LTBP2: variants seen among roughly 807,000 people sequenced by gnomAD.
LTBP2 encodes the protein latent-transforming growth factor beta-binding protein 2.
Under a neutral mutation model 210.6 loss-of-function variants are expected in LTBP2, and 103 were observed. The ratio of observed to expected loss-of-function variants is 0.49; its 90% CI spans 0.42 to 0.58. The LOEUF (loss-of-function observed/expected upper bound fraction) is 0.58. LTBP2 is among the 20% of genes least tolerant of loss of function. LTBP2 has a pLI of 0.00. For synonymous variants in LTBP2, 1,007 were observed against 1,015.0 expected (o/e 0.99, Z 0.15); for missense variants, 2,313 against 2,494.5 (o/e 0.93, Z 1.55).
In LTBP2 at chr14:74,611,974, C is replaced by A; in HGVS notation, c.-30G>T. ...CGGGGCGGCTGGAGAGTGGTGCGCG[C>A]GGGCACCGCGAAGAGCTTTGTGGTC... On this transcript the variant is annotated 5_prime_UTR_variant, in exon 1 of 36. Transcript: ENST00000261978. 3 of 1,530,824 alleles carry A rather than the reference C, an allele frequency of 2.0e-6. No homozygotes were observed. Among genetic ancestry groups the A allele is most frequent in the Non-Finnish European group, 2.6e-6 (3 of 1,147,432 alleles). The allele number at this position is 1,530,824 out of a possible 1,614,324, so 94.8% of individuals were successfully genotyped here.
chr14:74,599,719 C>T lies in LTBP2; in HGVS notation c.565+3916G>A, dbSNP rs1210219673. 3.9e-5 allele frequency among the ~76,000 whole-genome samples: 6 copies of T among 152,188 alleles called. No individual in the cohort carries two copies. In the East Asian group the frequency reaches 5.8e-4, roughly 15 times the overall value. The stretch of plus-strand genomic sequence containing the variant: ...AGCAATGGGCACCTGCAGAACAGGG[C>T]GGAAGGAGGGCAGGCCCGGGAGATG... On this transcript the variant is annotated intron_variant, in intron 2 of 35. Transcript: ENST00000261978.
intron 3 of LTBP2, among the ~76,000 whole-genome samples, chr14:74,564,526 C>A (rs1213266701): frequency 1.4e-5 from 2 of 147,518 alleles, no homozygotes; most frequent in East Asian, 4.0e-4. Context: ...TCCTGAGTAG[C>A]TGGGACTACA....
Position 74,501,604 on chromosome 14 carries a change from A to G in LTBP2, c.5171-14T>C. 2.5e-6 allele frequency: 4 copies of G among 1,613,846 alleles called. No individual in the cohort carries two copies. The highest frequency in any genetic ancestry group is 3.4e-6 in the Non-Finnish European group (4 of 1,180,004). On this transcript the variant is annotated splice_polypyrimidine_tract_variant and intron_variant, in intron 34 of 35. Transcript: ENST00000261978. ...CGGCTGGGGGCTCTGGGAGGAGGAAATCGGAGAGAGGAGGAGGCTGAGGGC... is the reference window on the plus strand; with the variant it reads ...CGGCTGGGGGCTCTGGGAGGAGGAAGTCGGAGAGAGGAGGAGGCTGAGGGC...
At chr14:74,537,044 A>G (rs1460570499) in intron 8 of LTBP2, among the ~76,000 whole-genome samples, 1 of 152,170 alleles carries the variant, frequency 6.6e-6, no homozygotes, top group Non-Finnish European at 1.5e-5. Flanking sequence ...ATTTTGAAAT[A>G]CTAAAAATAC....
intron 8 of LTBP2, among the ~76,000 whole-genome samples, chr14:74,539,554 A>G (rs2087465623): frequency 6.6e-6 from 1 of 152,174 alleles, no homozygotes; most frequent in South Asian, 2.1e-4. Flanking sequence ...AAAAAAAATA[A>G]GATTAACTGG....
At chr14:74,505,925 A>T in intron 28 of LTBP2, 123 bp downstream of exon 28, 1 of 1,379,868 alleles carries the variant, frequency 7.2e-7, no homozygotes, top group Non-Finnish European at 1.0e-6. Flanking sequence ...GCACCTCCCT[A>T]TGCTGCCCCA....
rs762288575 is a variant in LTBP2 at position 74,507,961 on chromosome 14, C to G, written c.3775+12G>C. 1.9e-6 allele frequency: 3 copies of G among 1,612,654 alleles called. No individual in the cohort carries two copies. In the East Asian group the frequency reaches 6.7e-5, roughly 36 times the overall value. On this transcript the variant is annotated intron_variant, in intron 25 of 35. Coordinates refer to ENST00000261978, the MANE Select transcript of LTBP2 (RefSeq NM_000428.3). ...TGGGCAGAGCCCTGTGCCCTCCCCCCAGAGCCCTTACCCACACACTCTCCA... is the reference window on the plus strand; with the variant it reads ...TGGGCAGAGCCCTGTGCCCTCCCCCGAGAGCCCTTACCCACACACTCTCCA...
intron 28 of LTBP2, 86 bp from the exon 29 acceptor site, chr14:74,505,260 AT>A (rs892321859): frequency 6.9e-7 from 1 of 1,451,430 alleles, no homozygotes; most frequent in Non-Finnish European, 9.4e-7. Context: ...TAAATTTAAC[AT>A]TTGTGTAGCA....
chr14:74,585,891 G>A lies in LTBP2; in HGVS notation c.793C>T (p.Pro265Ser). 1.2e-6 allele frequency: 2 copies of A among 1,613,994 alleles called. No individual in the cohort carries two copies. Among genetic ancestry groups the A allele is most frequent in the Non-Finnish European group, 8.5e-7 (1 of 1,179,900 alleles). Reference protein sequence around the residue: ...GTLARAQPPAPQSPPAPQSPP... With the variant: ...GTLARAQPPASQSPPAPQSPP... ...GACTGTGGTGCGGGCGGCGACTGTGGTGCTGGCGGCTGTGCTCTGGCCAAG... is the reference window on the plus strand; with the variant it reads ...GACTGTGGTGCGGGCGGCGACTGTGATGCTGGCGGCTGTGCTCTGGCCAAG... The change falls in exon 3 of 36, where the codon CCA (proline) becomes TCA (serine). Residue 265 changes from proline (P) to serine (S), a missense_variant. This residue lies in a region of LTBP2 where 1,867 missense variants were observed against 1,976.9 expected (regional missense o/e 0.94). Transcript: ENST00000261978.
At chr14:74,510,265 C>G in intron 19 of LTBP2, 52 bp from the exon 20 acceptor site, 1 of 1,606,138 alleles carries the variant, frequency 6.2e-7, no homozygotes, top group Non-Finnish European at 8.5e-7. Context: ...CATCCTGCAG[C>G]CCCCGCTGGC....
At chr14:74,540,856 A>ATT (rs1475401029) in intron 8 of LTBP2, among the ~76,000 whole-genome samples, 1 of 87,698 alleles carries the variant, frequency 1.1e-5, no homozygotes, top group South Asian at 3.0e-4. Context: ...TATTATATAT[A>ATT]TTATATATAT....
At chr14:74,506,909 A>C (rs2086999961) in intron 26 of LTBP2, 86 bp from the exon 27 acceptor site, 1 of 1,579,878 alleles carries the variant, frequency 6.3e-7, no homozygotes, top group African/African-American at 1.4e-5. Flanking sequence ...ACTCTCTCAC[A>C]CGCATGCACA....
Position 74,503,327 on chromosome 14 carries a change from C to T in LTBP2, c.4780G>A (p.Val1594Met), listed in dbSNP as rs2086938087. Residue 1594 changes from valine to methionine, a missense_variant, in exon 33 of 36, where the codon GTG becomes ATG. By Grantham distance (21) the Val-to-Met change is conservative (BLOSUM62 1). This residue lies in a region of LTBP2 where 443 missense variants were observed against 501.4 expected (regional missense o/e 0.88). Coordinates refer to ENST00000261978, the MANE Select transcript of LTBP2 (RefSeq NM_000428.3). ...DICWKKVTND[V>M]CSEPLRGHRT... ...TGCCCACGCAGGGGTTCGCTGCACA[C>T]ATCATTGGTGACTTTTTTCCAGCAG... 3 of 1,613,850 alleles carry T rather than the reference C, an allele frequency of 1.9e-6. No homozygotes were observed. The South Asian group carries it at 3.3e-5, about 18-fold the overall frequency.
Position 74,502,781 on chromosome 14 carries a change from C to A in LTBP2, c.5042G>T (p.Gly1681Val). Residue 1681 changes from glycine (G) to valine (V), a missense_variant, in exon 34 of 36, where the codon GGC becomes GTC. Gly to Val is a moderately radical substitution (Grantham distance 109). This residue lies in a region of LTBP2 where 443 missense variants were observed against 501.4 expected (regional missense o/e 0.88). Coordinates refer to ENST00000261978, the MANE Select transcript of LTBP2 (RefSeq NM_000428.3). ...PDGAPFYNYL[G>V]PEDTVPEPAF... is the part of the protein sequence containing the mutation. ...AGGCTCAGGGACGGTGTCCTCGGGG[C>A]CCAGGTAGTTGTAGAAGGGGGCCCC... 6.2e-7 allele frequency: 1 copy of A among 1,614,054 alleles called. No homozygotes were observed. The highest frequency in any genetic ancestry group is 8.5e-7 in the Non-Finnish European group (1 of 1,179,978).
chr14:74,606,902 T>TGTG (rs2088535108), intron 1 of LTBP2, among the ~76,000 whole-genome samples: 1 of 151,964 alleles, frequency 6.6e-6, no homozygotes, highest in Non-Finnish European at 1.5e-5. Context: ...CAGCCTTCCC[T>TGTG]CATTCTCCAT....
rs150332424 is a variant in LTBP2, at chr14:74,564,546, C to T, written c.831-8853G>A. Among the ~76,000 whole-genome samples, 359 of 148,028 alleles carry T rather than the reference C, an allele frequency of 2.4e-3. 1 individual carries two copies. Among genetic ancestry groups the T allele is most frequent in the African/African-American group, 8.5e-3 (339 of 39,946 alleles). ...AGTAGCTGGGACTACAGGTGCTCGC[C>T]ACCATGCCAGGCTAATTTTTTTTTG... On this transcript the variant is annotated intron_variant, in intron 3 of 35. Coordinates refer to ENST00000261978, the MANE Select transcript of LTBP2 (RefSeq NM_000428.3).
chr14:74,503,071 C>G, intron 33 of LTBP2, 137 bp from the exon 34 acceptor site: 2 of 1,480,148 alleles, frequency 1.4e-6, no homozygotes, highest in East Asian at 2.3e-5. Flanking sequence ...CACCTCTCCC[C>G]TGCCCTACTT....
chr14:74,582,219 C>A (rs1273552735), intron 3 of LTBP2, among the ~76,000 whole-genome samples: 1 of 151,790 alleles, frequency 6.6e-6, no homozygotes, highest in Non-Finnish European at 1.5e-5. Flanking sequence ...ATTCTTGACA[C>A]CTCCCCTTAA....
intron 2 of LTBP2, among the ~76,000 whole-genome samples, chr14:74,597,920 G>A (rs377688655): frequency 1.3e-5 from 2 of 152,178 alleles, no homozygotes; most frequent in South Asian, 4.1e-4. Context: ...TCCTACCCTT[G>A]CCCTTACTCC....
Sources: gnomAD v4.1 joint callset for allele counts (sites outside exome capture counted in the v4.1 genomes callset) on GRCh38, gnomAD v4.1.1 for gene constraint, gnomAD v4.1.1 regional missense constraint, MANE v1.5 for transcripts, NCBI Gene and HGNC (gene_info 2026-07-23, HGNC 2026-07-21) for gene names.